The following MAP2 variants were observed in gnomAD, a reference collection of about 807,000 sequenced individuals.
MAP2 encodes microtubule associated protein 2, also known as microtubule-associated protein 2.
In MAP2, 14 loss-of-function variants were observed where a neutral mutation model predicts 137.6. The observed-to-expected ratio is 0.10, with a 90% CI of 0.07 to 0.16. The LOEUF is 0.16. MAP2 is among the 10% of genes least tolerant of loss of function. The pLI is 1.00. For synonymous variants in MAP2, 786 were observed against 782.3 expected (o/e 1.00, Z -0.08); for missense variants, 2,088 against 2,191.5 (o/e 0.95, Z 0.94).
At chr2:209,490,299 A>G (rs1331950510) in intron 1 of MAP2, among the ~76,000 whole-genome samples, 1 of 152,142 alleles carries the variant, frequency 6.6e-6, no homozygotes, top group Admixed American at 6.5e-5. Flanking sequence ...GCAAGGAAAA[A>G]CCGGTACCAG....
At chr2:209,486,783 A>G (rs2058446242) in intron 1 of MAP2, among the ~76,000 whole-genome samples, 1 of 152,218 alleles carries the variant, frequency 6.6e-6, no homozygotes, top group South Asian at 2.1e-4. Flanking sequence ...TTCCAATATA[A>G]TACTTTCTGC....
intron 1 of MAP2, among the ~76,000 whole-genome samples, chr2:209,469,773 T>C (rs71420756): frequency 0.075 from 11,430 of 152,188 alleles, 576 homozygotes; most frequent in African/African-American, 0.13. Flanking sequence ...TTCTTGCAGA[T>C]TAGGGGTTAT....
At chr2:209,526,476 G>A (rs1293787473) in intron 2 of MAP2, among the ~76,000 whole-genome samples, 2 of 150,312 alleles carry the variant, frequency 1.3e-5, no homozygotes, top group African/African-American at 2.4e-5. Flanking sequence ...TCAGGCTTTC[G>A]TTTTTTGGTT....
chr2:209,669,697 G>A (rs2047953909), intron 5 of MAP2, among the ~76,000 whole-genome samples: 1 of 151,834 alleles, frequency 6.6e-6, no homozygotes, highest in Non-Finnish European at 1.5e-5. Context: ...TTGTGCCTAA[G>A]ACCTGTGAGG....
intron 1 of MAP2, among the ~76,000 whole-genome samples, chr2:209,486,165 G>A (rs929341392): frequency 3.3e-5 from 5 of 151,998 alleles, no homozygotes; most frequent in African/African-American, 1.2e-4. Flanking sequence ...CCTGAAGCAC[G>A]TCTTCAAAAA....
chr2:209,529,452 G>C (rs1252389456), intron 2 of MAP2, among the ~76,000 whole-genome samples: 1 of 152,254 alleles, frequency 6.6e-6, no homozygotes, highest in South Asian at 2.1e-4. Context: ...ATTGCTGGGT[G>C]TAAGTGAGAA....
intron 3 of MAP2, among the ~76,000 whole-genome samples, chr2:209,602,751 A>G (rs531709029): frequency 5.9e-5 from 9 of 152,136 alleles, no homozygotes; most frequent in African/African-American, 1.9e-4. Flanking sequence ...AACTGGACCA[A>G]CTCTCCAACA....
intron 1 of MAP2, among the ~76,000 whole-genome samples, chr2:209,502,148 A>G (rs1479939196): frequency 6.6e-6 from 1 of 152,178 alleles, no homozygotes; most frequent in African/African-American, 2.4e-5. Flanking sequence ...AGTAGACCTT[A>G]CAATATTATT....
At chr2:209,458,870 C>G (rs926482511) in intron 1 of MAP2, among the ~76,000 whole-genome samples, 1 of 151,974 alleles carries the variant, frequency 6.6e-6, no homozygotes, top group African/African-American at 2.4e-5. Flanking sequence ...GCTCTCTATA[C>G]CTTAGTCTTT....
chr2:209,633,697 A>G (rs752829451), intron 4 of MAP2, among the ~76,000 whole-genome samples: 2 of 152,120 alleles, frequency 1.3e-5, no homozygotes, highest in Admixed American at 1.3e-4. Context: ...TCAGAAAGCA[A>G]GAAAAGGAGG....
At chr2:209,703,189 T>C (rs2062279331) in intron 11 of MAP2, among the ~76,000 whole-genome samples, 1 of 152,236 alleles carries the variant, frequency 6.6e-6, no homozygotes, top group East Asian at 1.9e-4. Flanking sequence ...ATGTTATTAG[T>C]TCTATGGTAT....
chr2:209,584,238 T>A lies in MAP2; in HGVS notation c.-107+4138T>A, dbSNP rs146769684. 2.5e-3 allele frequency among the ~76,000 whole-genome samples: 381 copies of A among 152,172 alleles called. 6 individuals carry two copies. The highest frequency in any genetic ancestry group is 0.024 in the East Asian group (126 of 5,162). ...TCAACAGGAAATACTTCATAGAGTATGAGTTTTCTGAGGCGGAACTTGGGG... is the reference window on the plus strand; with the variant it reads ...TCAACAGGAAATACTTCATAGAGTAAGAGTTTTCTGAGGCGGAACTTGGGG... On this transcript the variant is annotated intron_variant, in intron 3 of 15. Transcript: ENST00000682079.
chr2:209,680,891 A>G lies in MAP2; in HGVS notation c.454+64A>G. 2.2e-6 allele frequency: 3 copies of G among 1,389,858 alleles called. No homozygotes were observed. The Admixed American group carries it at 5.0e-5, about 23-fold the overall frequency. 86.1% of individuals were successfully genotyped at this position (1,389,858 alleles called of 1,614,324 possible). A position where few individuals can be genotyped will look rare whatever the true frequency, so the allele number is the denominator to read the frequency against. On this transcript the variant is annotated intron_variant, in intron 7 of 15. Transcript: ENST00000682079. ...AAAGTGTGAACAATAAACTTCAATCAATAAGCTCTGGACTTTGGTATTGGT... is the reference window on the plus strand; with the variant it reads ...AAAGTGTGAACAATAAACTTCAATCGATAAGCTCTGGACTTTGGTATTGGT...
At chr2:209,608,407 C>T (rs1486531691) in intron 3 of MAP2, among the ~76,000 whole-genome samples, 2 of 152,080 alleles carry the variant, frequency 1.3e-5, no homozygotes, top group African/African-American at 2.4e-5. Flanking sequence ...CCCACCTCAG[C>T]CTCCTGAGTA....
intron 1 of MAP2, among the ~76,000 whole-genome samples, chr2:209,490,071 G>A (rs2058884660): frequency 6.6e-6 from 1 of 152,178 alleles, no homozygotes; most frequent in Admixed American, 6.5e-5. Context: ...ATCAGACACA[G>A]CAGATCTCTC....
intron 1 of MAP2, among the ~76,000 whole-genome samples, chr2:209,448,408 C>A (rs1699589643): frequency 6.6e-6 from 1 of 152,118 alleles, no homozygotes; most frequent in Admixed American, 6.6e-5. Context: ...CAAGGATTAA[C>A]AGAACAACAT....
intron 1 of MAP2, among the ~76,000 whole-genome samples, chr2:209,449,507 G>A (rs1316607972): frequency 6.6e-6 from 1 of 151,906 alleles, no homozygotes; most frequent in African/African-American, 2.4e-5. Flanking sequence ...TGTCTAAAAT[G>A]CATAGTAATT....
chr2:209,425,929 G>A (rs994209308), intron 1 of MAP2, among the ~76,000 whole-genome samples: 1 of 152,158 alleles, frequency 6.6e-6, no homozygotes, highest in Non-Finnish European at 1.5e-5. Flanking sequence ...AGAAATCCTT[G>A]TGAATTTGCA....
chr2:209,669,776 T>TAC (rs150279331), intron 5 of MAP2, among the ~76,000 whole-genome samples: 79 of 150,928 alleles, frequency 5.2e-4, no homozygotes, highest in African/African-American at 1.6e-3. Context: ...AACATGTGCA[T>TAC]ACACACACAC....
Sources: gnomAD v4.1 joint callset for allele counts (sites outside exome capture counted in the v4.1 genomes callset) on GRCh38, gnomAD v4.1.1 for gene constraint, MANE v1.5 for transcripts, NCBI Gene and HGNC (gene_info 2026-07-23, HGNC 2026-07-21) for gene names.